NF2: variants seen among roughly 807,000 people sequenced by gnomAD.
The protein encoded by NF2 is merlin.
In NF2, 8 loss-of-function variants were observed where a neutral mutation model predicts 83.7. The ratio of observed to expected loss-of-function variants is 0.10; its 90% CI spans 0.06 to 0.17. The LOEUF (loss-of-function observed/expected upper bound fraction) is 0.17, where lower values mean the gene tolerates loss of function less well. Among genes scored for constraint, NF2 ranks in the 10% least tolerant of loss-of-function variants. The probability of loss-of-function intolerance (pLI) is 1.00; values close to 1 mark genes in which losing one functional copy is unlikely to be tolerated. For synonymous variants in NF2, 266 were observed against 269.6 expected (o/e 0.99, Z 0.13); for missense variants, 533 against 744.4 (o/e 0.72, Z 3.31).
intron 15 of NF2, among the ~76,000 whole-genome samples, chr22:29,690,693 T>C (rs1334961538): frequency 6.6e-6 from 1 of 152,236 alleles, no homozygotes; most frequent in Non-Finnish European, 1.5e-5. Flanking sequence ...GAGAGAGAAC[T>C]TAATTCCTCC....
chr22:29,643,181 A>G (rs1160145624), intron 4 of NF2, among the ~76,000 whole-genome samples: 4 of 151,740 alleles, frequency 2.6e-5, no homozygotes, highest in Admixed American at 6.6e-5. Context: ...GGGTCTCACT[A>G]TGTTGTCCAG....
At chr22:29,678,348 G>T in intron 14 of NF2, 25 bp downstream of exon 14, 5 of 1,611,556 alleles carry the variant, frequency 3.1e-6, no homozygotes, top group Non-Finnish European at 4.2e-6. Context: ...GTGCCCTGCT[G>T]TGGGCAGCTG....
chr22:29,617,141 C>G (rs911750096), intron 1 of NF2, among the ~76,000 whole-genome samples: 14 of 152,146 alleles, frequency 9.2e-5, no homozygotes, highest in African/African-American at 3.4e-4. Flanking sequence ...GTTGGCCAGG[C>G]TGATCTTGAA....
At chr22:29,676,322 C>T (rs1053125505) in intron 13 of NF2, among the ~76,000 whole-genome samples, 1 of 152,022 alleles carries the variant, frequency 6.6e-6, no homozygotes, top group Non-Finnish European at 1.5e-5. Flanking sequence ...CACAGACATG[C>T]ACCACCACGC....
intron 15 of NF2, among the ~76,000 whole-genome samples, chr22:29,686,220 G>T (rs938305713): frequency 1.3e-5 from 2 of 152,232 alleles, no homozygotes; most frequent in African/African-American, 4.8e-5. Context: ...AAATCTGCTT[G>T]TGATCCTGCA....
chr22:29,650,514 TTGTTTCTTTC>T (rs956814504), intron 4 of NF2, among the ~76,000 whole-genome samples: 2 of 152,220 alleles, frequency 1.3e-5, no homozygotes, highest in African/African-American at 4.8e-5. Context: ...TATTGTTTGT[TTGTTTCTTTC>T]TTTTTCTTTC....
At chr22:29,610,566 C>T (rs2064924662) in intron 1 of NF2, among the ~76,000 whole-genome samples, 3 of 151,682 alleles carry the variant, frequency 2.0e-5, no homozygotes, top group Admixed American at 6.6e-5. Context: ...TCGCTTGAAC[C>T]CGGGAAGTTG....
chr22:29,686,080 C>T (rs1362987877), intron 15 of NF2, among the ~76,000 whole-genome samples: 2 of 152,132 alleles, frequency 1.3e-5, no homozygotes, highest in East Asian at 3.9e-4. Flanking sequence ...GCACAGTGTC[C>T]TCACCTGCAA....
chr22:29,610,106 G>A (rs1242244966), intron 1 of NF2, among the ~76,000 whole-genome samples: 4 of 151,994 alleles, frequency 2.6e-5, no homozygotes, highest in African/African-American at 9.7e-5. Flanking sequence ...GGGAGGTCAA[G>A]GCAGGAGGAT....
At chr22:29,606,439 T>C (rs1054422080) in intron 1 of NF2, among the ~76,000 whole-genome samples, 3 of 152,236 alleles carry the variant, frequency 2.0e-5, no homozygotes, top group African/African-American at 7.2e-5. Flanking sequence ...TGAGGGTATT[T>C]CTCAGAGAGA....
intron 4 of NF2, among the ~76,000 whole-genome samples, chr22:29,652,269 G>A (rs890098864): frequency 6.6e-6 from 1 of 152,064 alleles, no homozygotes; most frequent in African/African-American, 2.4e-5. Flanking sequence ...TTGGACATCA[G>A]GTTTATGTGT....
rs1449875899 is a variant in NF2 at position 29,673,443 on chromosome 22, G to A, written c.1297G>A (p.Ala433Thr). The change falls in exon 12 of 16, where the codon GCC (alanine) becomes ACC (threonine). Residue 433 changes from alanine to threonine, a missense_variant. By Grantham distance (58) the Ala-to-Thr change is moderately conservative. Coordinates refer to ENST00000338641, the MANE Select transcript of NF2 (RefSeq NM_000268.4). ...CCTGATGGAGCAGAAGGTGCTGGAA[G>A]CCGAGGTGCTGGCACTGAAGATGGC... ...KRLMEQKVLE[A>T]EVLALKMAEE... 4 of 1,612,296 alleles carry A rather than the reference G, an allele frequency of 2.5e-6. No homozygotes were observed. The South Asian group carries it at 3.3e-5, about 13-fold the overall frequency.
intron 9 of NF2, 114 bp downstream of exon 9, chr22:29,665,178 CTT>C: frequency 1.2e-6 from 1 of 822,024 alleles, no homozygotes; most frequent in Non-Finnish European, 2.1e-6. Context: ...TGGTATCTCA[CTT>C]GGCGCATACT....
chr22:29,641,775 A>C (rs918747044), intron 3 of NF2, among the ~76,000 whole-genome samples: 4 of 152,170 alleles, frequency 2.6e-5, no homozygotes, highest in Non-Finnish European at 5.9e-5. Flanking sequence ...ATCATAACTC[A>C]GTGGCCTTGG....
At chr22:29,635,159 TCCTGTTGAGTA>T (rs976863812) in intron 1 of NF2, among the ~76,000 whole-genome samples, 15 of 152,302 alleles carry the variant, frequency 9.8e-5, no homozygotes, top group Admixed American at 2.6e-4. Context: ...GGATGGGCTT[TCCTGTTGAGTA>T]CCTTGTAGAG....
rs878853924 is a variant in NF2, at chr22:29,674,947, C to G, written c.1446+6C>G. 3 of 1,557,620 alleles carry G rather than the reference C, an allele frequency of 1.9e-6. No homozygotes were observed. Among genetic ancestry groups the G allele is most frequent in the Non-Finnish European group, 2.6e-6 (3 of 1,149,908 alleles). ...CCACCAAGCCCACGTACCCGGTGAG[C>G]CTGGGGGCCACCAGCTGGGGCTGCC... On this transcript the variant is annotated splice_donor_region_variant and intron_variant, in intron 13 of 15. Coordinates refer to ENST00000338641, the MANE Select transcript of NF2 (RefSeq NM_000268.4).
In NF2 at chr22:29,637,273, T is replaced by A. The variant is rs577486677; in HGVS notation, c.240+397T>A. Among the ~76,000 whole-genome samples the A allele has an allele frequency of 1.1e-3, 174 of 152,336 alleles. 1 individual carries two copies. The highest frequency in any genetic ancestry group is 4.0e-3 in the African/African-American group (165 of 41,580). ...GGCTTGTGTTCTTTAGGGAATTTTTTAAAGTCTTTTTGAGGAACACCATAG... is the reference window on the plus strand; with the variant it reads ...GGCTTGTGTTCTTTAGGGAATTTTTAAAAGTCTTTTTGAGGAACACCATAG... On this transcript the variant is annotated intron_variant, in intron 2 of 15. Transcript: ENST00000338641.
chr22:29,608,307 C>G (rs1332059477), intron 1 of NF2, among the ~76,000 whole-genome samples: 3 of 147,790 alleles, frequency 2.0e-5, no homozygotes, highest in African/African-American at 7.5e-5. Context: ...GAGACAGAGT[C>G]TCGCTCTGTT....
At chr22:29,610,840 C>T (rs893569877) in intron 1 of NF2, among the ~76,000 whole-genome samples, 43 of 151,852 alleles carry the variant, frequency 2.8e-4, no homozygotes, top group Non-Finnish European at 4.4e-5. Context: ...TACCCTGTTG[C>T]CAAAAACCAG....
Sources: allele counts gnomAD v4.1 joint callset (sites outside exome capture counted in the v4.1 genomes callset), GRCh38; gene constraint gnomAD v4.1.1; transcripts MANE v1.5; gene names NCBI Gene and HGNC (gene_info 2026-07-23, HGNC 2026-07-21).